Variants in PTK7 observed in about 807,000 individuals in gnomAD.
PTK7 encodes protein tyrosine kinase 7 (inactive), also known as inactive tyrosine-protein kinase 7.
Under a neutral mutation model 116.6 loss-of-function variants are expected in PTK7, and 39 were observed. That is an observed-to-expected ratio of 0.33 (90% CI 0.26 to 0.44). The LOEUF (loss-of-function observed/expected upper bound fraction) is 0.44, where lower values mean the gene tolerates loss of function less well. Among genes scored for constraint, PTK7 ranks in the 20% least tolerant of loss-of-function variants. PTK7 has a pLI of 1.00. For synonymous variants in PTK7, 546 were observed against 563.6 expected (o/e 0.97, Z 0.44); for missense variants, 1,169 against 1,425.6 (o/e 0.82, Z 2.90).
Position 43,145,381 on chromosome 6 carries a change from G to C in PTK7, c.2589G>C (p.Gly863=). Residue 863 remains glycine, a synonymous_variant, in exon 16 of 20, where the codon GGG becomes GGC. Transcript: ENST00000230419. This position sits in a 1 kb window ranked among gnomAD's most constrained non-coding sequence, Gnocchi z 4.8. ...ACGCCAACGTGGTGCGGCTCCTGGG[G>C]CTGTGCCGGGAGGCTGAGCCCCACT... ...LNHANVVRLL[G]LCREAEPHYM... is the part of the protein sequence containing the mutation. 6.2e-7 allele frequency: 1 copy of C among 1,612,356 alleles called. No individual in the cohort carries two copies. Among genetic ancestry groups the C allele is most frequent in the Middle Eastern group, 1.7e-4 (1 of 6,058 alleles).
In PTK7 at chr6:43,076,541, G is replaced by T. The variant is rs1383158384; in HGVS notation, c.53G>T (p.Ser18Ile). 3.8e-6 allele frequency: 6 copies of T among 1,577,646 alleles called. No individual in the cohort carries two copies. The highest frequency in any genetic ancestry group is 5.1e-6 in the Non-Finnish European group (6 of 1,167,200). Residue 18 changes from serine (S) to isoleucine (I), a missense_variant, in exon 1 of 20, where the codon AGC becomes ATC. Ser to Ile is a moderately radical substitution (Grantham distance 142). Coordinates refer to ENST00000230419, the MANE Select transcript of PTK7 (RefSeq NM_002821.5). The surrounding 1 kb of genome is among the most constrained non-coding windows in gnomAD (Gnocchi z 5.7). ...PARPRRLPLL[S>I]VLLLPLLGGT... Reference sequence around the variant, plus strand: ...AGACCCCGCCGGTTGCCTCTGCTCAGCGTCCTGCTGCTGCCGCTGCTGGGC... The same window carrying T: ...AGACCCCGCCGGTTGCCTCTGCTCATCGTCCTGCTGCTGCCGCTGCTGGGC...
intron 1 of PTK7, among the ~76,000 whole-genome samples, chr6:43,121,738 G>A (rs1258178076): frequency 1.3e-5 from 2 of 152,198 alleles, no homozygotes; most frequent in African/African-American, 4.8e-5. Flanking sequence ...GTCACAAATA[G>A]CCCTGCAGCA....
At chr6:43,158,582 G>C (rs1199909022) in intron 17 of PTK7, among the ~76,000 whole-genome samples, 1 of 152,224 alleles carries the variant, frequency 6.6e-6, no homozygotes, top group Non-Finnish European at 1.5e-5. Context: ...GGCACTTGCT[G>C]TGTGTCAGCA....
chr6:43,130,804 C>G, intron 5 of PTK7, 143 bp downstream of exon 5: 1 of 1,253,290 alleles, frequency 8.0e-7, no homozygotes, highest in Non-Finnish European at 1.1e-6. Flanking sequence ...GAATGTTTTG[C>G]TTTTACAAGA....
chr6:43,141,904 G>A lies in PTK7; in HGVS notation c.1769-27G>A, dbSNP rs1770435358. The A allele has an allele frequency of 6.3e-7, 1 of 1,594,730 alleles. No individual in the cohort carries two copies. On this transcript the variant is annotated intron_variant, in intron 11 of 19. Transcript: ENST00000230419. The surrounding 1 kb of genome is among the most constrained non-coding windows in gnomAD (Gnocchi z 4.9). ...CCAGCCCCTTGGCTTACCCCTCCCT[G>A]CGCCTCGCTGGTCTCTTTTCTTCCA...
intron 1 of PTK7, among the ~76,000 whole-genome samples, chr6:43,083,301 G>A (rs1294153041): frequency 2.0e-5 from 3 of 152,340 alleles, no homozygotes; most frequent in African/African-American, 4.8e-5. Context: ...ACAGTTGCTG[G>A]CACTGGCCCT....
At position 43,143,605 on chromosome 6, in the gene PTK7, A is replaced by C. The variant is rs150631466; in HGVS notation, c.2236A>C (p.Met746Leu). Reference protein sequence around the residue: ...QKQPEGEEPEMECLNGGPLQN... With the variant: ...QKQPEGEEPELECLNGGPLQN... ...GCAGCCCGAGGGCGAGGAGCCAGAG[A>C]TGGAATGCCTCAACGGTGAGGGGCC... The change falls in exon 14 of 20, where the codon ATG becomes CTG. Residue 746 changes from methionine to leucine, a missense_variant. Met to Leu is a conservative substitution (Grantham distance 15). Transcript: ENST00000230419. The surrounding 1 kb of genome is among the most constrained non-coding windows in gnomAD (Gnocchi z 4.2). 2,598 of 1,612,160 alleles carry C rather than the reference A, an allele frequency of 1.6e-3. 6 individuals carry two copies. The highest frequency in any genetic ancestry group is 1.9e-3 in the Non-Finnish European group (2,293 of 1,179,926).
intron 17 of PTK7, among the ~76,000 whole-genome samples, chr6:43,157,358 ATATATATTTTTTTTTTTCTTT>A (rs1771536976): frequency 1.1e-3 from 4 of 3,752 alleles, no homozygotes; most frequent in Admixed American, 5.2e-3. Flanking sequence ...ATATATATAT[ATATATATTTTTTTTTTTCTTT>A]TTTTTTTTTT....
intron 1 of PTK7, among the ~76,000 whole-genome samples, chr6:43,092,036 T>C (rs902695389): frequency 3.9e-5 from 6 of 152,142 alleles, no homozygotes; most frequent in Non-Finnish European, 5.9e-5. Flanking sequence ...CTAATTTTTG[T>C]ATTTTTAGTA....
At chr6:43,107,309 C>T (rs563968314) in intron 1 of PTK7, among the ~76,000 whole-genome samples, 1 of 152,284 alleles carries the variant, frequency 6.6e-6, no homozygotes, top group African/African-American at 2.4e-5. Flanking sequence ...TGTGATAATA[C>T]AGCAAAGCCT....
At chr6:43,140,276 A>G (rs2150446819) in intron 10 of PTK7, among the ~76,000 whole-genome samples, 1 of 152,020 alleles carries the variant, frequency 6.6e-6, no homozygotes, top group Admixed American at 6.5e-5. Context: ...GAGTAGTGAA[A>G]CCTCGTCTCT....
chr6:43,090,972 G>C (rs1766918879), intron 1 of PTK7, among the ~76,000 whole-genome samples: 1 of 152,060 alleles, frequency 6.6e-6, no homozygotes, highest in Non-Finnish European at 1.5e-5. Context: ...AGCCAAGTCA[G>C]GGTTATTTGC....
intron 3 of PTK7, 97 bp from the exon 4 acceptor site, chr6:43,130,132 TA>T: frequency 7.8e-7 from 1 of 1,284,400 alleles, no homozygotes; most frequent in Non-Finnish European, 1.1e-6. Context: ...TCTCCATGTA[TA>T]AACTGAAAGG....
At chr6:43,157,335 TATATATATATATATATATATA>T (rs1771499306) in intron 17 of PTK7, among the ~76,000 whole-genome samples, 1 of 1,212 alleles carries the variant, frequency 8.3e-4, no homozygotes, top group Non-Finnish European at 2.4e-3. Flanking sequence ...GCTATATATA[TATATATATATATATATATATA>T]TATATATATT....
rs1488998061 is a variant in PTK7, at chr6:43,132,007, C to T, written c.813-9C>T. The T allele has an allele frequency of 1.1e-5, 18 of 1,613,930 alleles. No homozygotes were observed. Among genetic ancestry groups the T allele is most frequent in the Non-Finnish European group, 1.5e-5 (18 of 1,180,016 alleles). The stretch of plus-strand genomic sequence containing the variant: ...CCACTTTCTCCAAATTGCACTCTCC[C>T]CTCTGCAGCCCCCCACACCTCCGCA... On this transcript the variant is annotated splice_polypyrimidine_tract_variant and intron_variant, in intron 5 of 19. Coordinates refer to ENST00000230419, the MANE Select transcript of PTK7 (RefSeq NM_002821.5).
At chr6:43,087,911 AG>A (rs1766745900) in intron 1 of PTK7, among the ~76,000 whole-genome samples, 1 of 152,180 alleles carries the variant, frequency 6.6e-6, no homozygotes, top group South Asian at 2.1e-4. Context: ...CTGGGTGCAA[AG>A]GGTGCTGTAA....
At chr6:43,092,413 A>C (rs1272862326) in intron 1 of PTK7, among the ~76,000 whole-genome samples, 4 of 150,774 alleles carry the variant, frequency 2.7e-5, no homozygotes, top group African/African-American at 7.3e-5. Flanking sequence ...CAATCCTCCT[A>C]CTACCTCAGC....
At chr6:43,102,583 T>A (rs2150392195) in intron 1 of PTK7, among the ~76,000 whole-genome samples, 5 of 151,748 alleles carry the variant, frequency 3.3e-5, no homozygotes, top group Admixed American at 3.3e-4. Flanking sequence ...AGCAAGACTT[T>A]GTTCCCCCTA....
rs981867369 is a variant in PTK7 at position 43,141,171 on chromosome 6, A to G, written c.1619-497A>G. Among the ~76,000 whole-genome samples, 11 of 152,182 alleles carry G rather than the reference A, an allele frequency of 7.2e-5. No individual in the cohort carries two copies. Among genetic ancestry groups the G allele is most frequent in the African/African-American group, 1.4e-4 (6 of 41,440 alleles). On this transcript the variant is annotated intron_variant, in intron 10 of 19. Coordinates refer to ENST00000230419, the MANE Select transcript of PTK7 (RefSeq NM_002821.5). The surrounding 1 kb of genome is among the most constrained non-coding windows in gnomAD (Gnocchi z 4.9). ...CGAAAGGGGGTATGAACATTTTTAT[A>G]GCCCTTGATGTGAGTTGCCAAATTA...
Sources: gnomAD v4.1 joint callset for allele counts (sites outside exome capture counted in the v4.1 genomes callset) on GRCh38, gnomAD v4.1.1 for gene constraint, Gnocchi (gnomAD v3.1) non-coding constraint, MANE v1.5 for transcripts, NCBI Gene and HGNC (gene_info 2026-07-23, HGNC 2026-07-21) for gene names.